Variants in CFAP46 observed in about 807,000 individuals in gnomAD.
The protein encoded by CFAP46 is cilia and flagella associated protein 46.
A neutral mutation model predicts 325.7 loss-of-function variants in CFAP46; 245 were observed. The observed-to-expected ratio is 0.75, with a 90% CI of 0.68 to 0.84. The LOEUF (loss-of-function observed/expected upper bound fraction) is 0.84. CFAP46 is among the 40% of genes least tolerant of loss of function. The pLI, the probability that CFAP46 is intolerant of heterozygous loss-of-function variation, is 0.00. For missense variants in CFAP46, 3,346 were observed against 3,543.0 expected, an observed-to-expected ratio of 0.94 and a Z score of 1.41; for synonymous variants, 1,523 against 1,495.9, an observed-to-expected ratio of 1.02 and a Z score of -0.42.
chr10:132,811,058 C>A, intron 55 of CFAP46, 27 bp from the exon 56 acceptor site: 1 of 1,554,716 alleles, frequency 6.4e-7, no homozygotes, highest in Non-Finnish European at 8.7e-7. Context: ...GGCAGCTCAG[C>A]AGCCTTGGCC....
chr10:132,919,544 C>T lies in CFAP46; in HGVS notation c.1731-102G>A. On this transcript the variant is annotated intron_variant, in intron 14 of 57. Coordinates refer to ENST00000368586, the MANE Select transcript of CFAP46 (RefSeq NM_001200049.3). This position sits in a 1 kb window ranked among gnomAD's most constrained non-coding sequence, Gnocchi z 9.7. ...GCTGCCTGAGAAAAGGCCACTGTGG[C>T]TCTGCAGTTTCAAGGTGGCAAGGAG... 2.8e-6 allele frequency: 4 copies of T among 1,426,416 alleles called. No individual in the cohort carries two copies. In the South Asian group the frequency reaches 5.6e-5, roughly 20 times the overall value. 88.4% of individuals were successfully genotyped at this position (1,426,416 alleles called of 1,614,324 possible).
In CFAP46 at chr10:132,877,737, A is replaced by G; in HGVS notation, c.4212+144T>C. 1.2e-6 allele frequency: 1 copy of G among 819,908 alleles called. No individual in the cohort carries two copies. The highest frequency in any genetic ancestry group is 1.9e-6 in the Non-Finnish European group (1 of 527,380). The allele number at this position is 819,908 out of a possible 1,614,324, so 50.8% of individuals were successfully genotyped here. A position where few individuals can be genotyped will look rare whatever the true frequency, so the allele number is the denominator to read the frequency against. On this transcript the variant is annotated intron_variant, in intron 30 of 57. Transcript: ENST00000368586. This position sits in a 1 kb window ranked among gnomAD's most constrained non-coding sequence, Gnocchi z 5.7. ...GGCTCCTCCGAGAACCCTGACAGGCAGGGAAACTGAGGCACAGGCCATCCC... is the reference window on the plus strand; with the variant it reads ...GGCTCCTCCGAGAACCCTGACAGGCGGGGAAACTGAGGCACAGGCCATCCC...
intron 50 of CFAP46, among the ~76,000 whole-genome samples, chr10:132,818,079 G>A (rs899640628): frequency 1.3e-5 from 2 of 152,174 alleles, no homozygotes; most frequent in African/African-American, 2.4e-5. Flanking sequence ...AGGACCACGC[G>A]ACGTCGCAGG....
rs747030792 is a variant in CFAP46, at chr10:132,908,423, C to T, written c.2924+45G>A. The T allele has an allele frequency of 4.5e-6, 7 of 1,547,964 alleles. No homozygotes were observed. The South Asian group carries it at 7.2e-5, about 16-fold the overall frequency. On this transcript the variant is annotated intron_variant, in intron 22 of 57. Transcript: ENST00000368586. ...GTGATTGAGGCCCAGGCCTGCGCTC[C>T]CTGCCCGTTTTGAGGGAATTTGTCC...
At position 132,937,647 on chromosome 10, in the gene CFAP46, C is replaced by T. The variant is rs148649735; in HGVS notation, c.565G>A (p.Gly189Arg). ...AACCTGGCAGCCTCCTCCTTTCTTC[C>T]GGCTTGCAGATAACACTCCAGAAGT... ...LELLECYLQA[G>R]RKEEAARFCS... Residue 189 changes from glycine to arginine, a missense_variant, in exon 6 of 58, where the codon GGA becomes AGA. Physicochemically the swap from Gly to Arg is moderately radical, Grantham distance 125. Transcript: ENST00000368586. 6.6e-5 allele frequency: 107 copies of T among 1,612,076 alleles called. No homozygotes were observed. The highest frequency in any genetic ancestry group is 3.6e-4 in the East Asian group (16 of 44,858).
rs1283295489 is a variant in CFAP46 at position 132,880,945 on chromosome 10, C to A, written c.3715G>T (p.Val1239Phe). 1 of 1,550,486 alleles carries A rather than the reference C, an allele frequency of 6.4e-7. No homozygotes were observed. The change falls in exon 28 of 58, where the codon GTC becomes TTC. Residue 1239 changes from valine (V) to phenylalanine (F), a missense_variant. Coordinates refer to ENST00000368586, the MANE Select transcript of CFAP46 (RefSeq NM_001200049.3). ...HHRHFPLEDV[V>F]FHLRWAVEIL... ...TCGACAGCCCAGCGGAGGTGGAAGA[C>A]CACGTCCTCGAGAGGAAAGTGTCTG... is the stretch of plus-strand genomic sequence containing the variant.
intron 28 of CFAP46, among the ~76,000 whole-genome samples, chr10:132,880,623 GTCCCTC>G (rs1369660999): frequency 6.9e-6 from 1 of 144,016 alleles, no homozygotes. Context: ...GTCAGGCTGA[GTCCCTC>G]AGGGCCCCTG....
chr10:132,924,036 C>G (rs1849768849), intron 11 of CFAP46, among the ~76,000 whole-genome samples: 1 of 152,100 alleles, frequency 6.6e-6, no homozygotes, highest in Non-Finnish European at 1.5e-5. Flanking sequence ...CAAGATTGTG[C>G]TGACGGCAAC....
chr10:132,936,551 C>T lies in CFAP46; in HGVS notation c.755+410G>A, dbSNP rs184876005. On this transcript the variant is annotated intron_variant, in intron 7 of 57. Coordinates refer to ENST00000368586, the MANE Select transcript of CFAP46 (RefSeq NM_001200049.3). ...TGATCTCCTCACTCCCCTCAGCCCC[C>T]AAATACACTGTGATCTCCTCACTCC... 1.5e-3 allele frequency among the ~76,000 whole-genome samples: 219 copies of T among 148,608 alleles called. 1 individual carries two copies. Among genetic ancestry groups the T allele is most frequent in the Non-Finnish European group, 2.4e-3 (164 of 67,416 alleles).
rs2135262290 is a variant in CFAP46, at chr10:132,864,577, C to T, written c.4890+1448G>A. 2.5e-5 allele frequency among the ~76,000 whole-genome samples: 3 copies of T among 121,734 alleles called. 1 individual carries two copies. Among genetic ancestry groups the T allele is most frequent in the African/African-American group, 6.2e-5 (2 of 32,078 alleles). 79.9% of individuals were successfully genotyped at this position (121,734 alleles called of 152,430 possible). The stretch of plus-strand genomic sequence containing the variant: ...GTGCCTGAGACCTGCAAACATCTGT[C>T]CCCCTGCCTGAGACCTGCACACACC... On this transcript the variant is annotated intron_variant, in intron 35 of 57. Transcript: ENST00000368586.
In CFAP46 at chr10:132,836,156, A is replaced by G; in HGVS notation, c.6599T>C (p.Val2200Ala). 6.3e-7 allele frequency: 1 copy of G among 1,598,594 alleles called. No individual in the cohort carries two copies. The highest frequency in any genetic ancestry group is 8.5e-7 in the Non-Finnish European group (1 of 1,176,160). Residue 2200 changes from valine (V) to alanine (A), a missense_variant, in exon 46 of 58, where the codon GTG becomes GCG. Coordinates refer to ENST00000368586, the MANE Select transcript of CFAP46 (RefSeq NM_001200049.3). ...PKFITAAKGK[V>A]QAVGGSCKVM... ...GCCCTGCTCACCTCCCACCGCCTGC[A>G]CCTTTCCTTTGGCTGCAGTAATGAA... is the stretch of plus-strand genomic sequence containing the variant.
At chr10:132,924,662 T>A in intron 11 of CFAP46, 34 bp downstream of exon 11, 20 of 1,437,356 alleles carry the variant, frequency 1.4e-5, no homozygotes, top group Non-Finnish European at 1.7e-5. Flanking sequence ...CGCCACGCCC[T>A]CTGTGGAGGA....
intron 50 of CFAP46, among the ~76,000 whole-genome samples, chr10:132,823,357 T>C (rs1847934230): frequency 8.6e-6 from 1 of 116,614 alleles, no homozygotes; most frequent in Non-Finnish European, 1.8e-5. Context: ...GTGTGCTGAG[T>C]GCTGATGTGT....
At chr10:132,917,474 C>T (rs1849658150) in intron 16 of CFAP46, among the ~76,000 whole-genome samples, 1 of 152,240 alleles carries the variant, frequency 6.6e-6, no homozygotes, top group African/African-American at 2.4e-5. Context: ...TCTGAGCCTG[C>T]GTGGGAGGAA....
rs750056221 is a variant in CFAP46 at position 132,876,807 on chromosome 10, C to T, written c.4362+5G>A. 3.9e-5 allele frequency: 60 copies of T among 1,547,332 alleles called. No individual in the cohort carries two copies. The highest frequency in any genetic ancestry group is 6.9e-5 in the African/African-American group (5 of 72,820). ...GTCTTGAGCCTTTTCTTTATGTCAA[C>T]GTACCGGCTTCTGGATACTTGAGGG... is the stretch of plus-strand genomic sequence containing the variant. On this transcript the variant is annotated splice_donor_5th_base_variant and intron_variant, in intron 31 of 57. Coordinates refer to ENST00000368586, the MANE Select transcript of CFAP46 (RefSeq NM_001200049.3). This position sits in a 1 kb window ranked among gnomAD's most constrained non-coding sequence, Gnocchi z 4.1.
chr10:132,840,205 T>C (rs1360490952), intron 44 of CFAP46, among the ~76,000 whole-genome samples: 3 of 152,218 alleles, frequency 2.0e-5, no homozygotes, highest in Non-Finnish European at 4.4e-5. Flanking sequence ...TGTGTTATGT[T>C]GAGGAGTTGG....
intron 8 of CFAP46, 103 bp from the exon 9 acceptor site, chr10:132,929,907 A>G: frequency 1.3e-6 from 1 of 776,790 alleles, no homozygotes; most frequent in Non-Finnish European, 2.1e-6. Flanking sequence ...GCAGGAAATA[A>G]AGGTAGGATA....
rs145715039 is a variant in CFAP46 at position 132,852,976 on chromosome 10, G to C, written c.5575-1671C>G. Among the ~76,000 whole-genome samples, 1,406 of 152,320 alleles carry C rather than the reference G, an allele frequency of 9.2e-3. 12 individuals are homozygous for C. Among genetic ancestry groups the C allele is most frequent in the South Asian group, 0.043 (209 of 4,820 alleles). ...TGGATTGCATAGGACTGTGTATGCA[G>C]ACAACTATGTTATCTGTGAATAAAA... On this transcript the variant is annotated intron_variant, in intron 39 of 57. Transcript: ENST00000368586.
In CFAP46 at chr10:132,834,140, A is replaced by G. The variant is rs2135000409; in HGVS notation, c.6867-17T>C. 1 of 1,613,098 alleles carries G rather than the reference A, an allele frequency of 6.2e-7. No homozygotes were observed. The highest frequency in any genetic ancestry group is 2.2e-5 in the East Asian group (1 of 44,856). ...GTCTGCACTCTGAAAGTCAGGTTATATATTCGGGTTTAAGAAACAGAGATA... is the reference window on the plus strand; with the variant it reads ...GTCTGCACTCTGAAAGTCAGGTTATGTATTCGGGTTTAAGAAACAGAGATA... On this transcript the variant is annotated splice_polypyrimidine_tract_variant and intron_variant, in intron 48 of 57. Coordinates refer to ENST00000368586, the MANE Select transcript of CFAP46 (RefSeq NM_001200049.3).
Sources: allele counts gnomAD v4.1 joint callset (sites outside exome capture counted in the v4.1 genomes callset), GRCh38; gene constraint gnomAD v4.1.1; non-coding constraint Gnocchi (gnomAD v3.1); transcripts MANE v1.5; gene names NCBI Gene and HGNC (gene_info 2026-07-23, HGNC 2026-07-21).